The following LHFPL3 variants were observed in gnomAD, a reference collection of about 807,000 sequenced individuals.
LHFPL3 encodes LHFPL tetraspan subfamily member 3, also known as LHFPL tetraspan subfamily member 3 protein.
Under a neutral mutation model 19.3 loss-of-function variants are expected in LHFPL3, and 5 were observed. The ratio of observed to expected loss-of-function variants is 0.26; its 90% CI spans 0.14 to 0.54. LHFPL3 has a LOEUF of 0.54. Among genes scored for constraint, LHFPL3 ranks in the 20% least tolerant of loss-of-function variants. The probability of loss-of-function intolerance (pLI) is 0.94; values close to 1 mark genes in which losing one functional copy is unlikely to be tolerated. For synonymous variants in LHFPL3, 133 were observed against 126.2 expected, an observed-to-expected ratio of 1.05 and a Z score of -0.36; for missense variants, 249 against 307.4, an observed-to-expected ratio of 0.81 and a Z score of 1.42.
At chr7:104,442,069 C>CT (rs906199819) in intron 1 of LHFPL3, among the ~76,000 whole-genome samples, 14 of 148,794 alleles carry the variant, frequency 9.4e-5, no homozygotes, top group African/African-American at 3.5e-4. Flanking sequence ...TTTTTTTTTT[C>CT]TTTTTTTTCA....
chr7:104,493,387 G>T (rs1296336678), intron 1 of LHFPL3, among the ~76,000 whole-genome samples: 1 of 151,494 alleles, frequency 6.6e-6, no homozygotes, highest in Non-Finnish European at 1.5e-5. Context: ...ATGTCATCTA[G>T]TATCAGAGTT....
At chr7:104,646,761 G>C (rs1280006013) in intron 1 of LHFPL3, among the ~76,000 whole-genome samples, 1 of 152,192 alleles carries the variant, frequency 6.6e-6, no homozygotes. Context: ...GATATACTTA[G>C]AATACAGAAA....
At chr7:104,743,658 A>T (rs1793979143) in intron 2 of LHFPL3, among the ~76,000 whole-genome samples, 1 of 152,132 alleles carries the variant, frequency 6.6e-6, no homozygotes. Context: ...CTCTGCAATA[A>T]CCCTGTGAGA....
At position 104,663,695 on chromosome 7, in the gene LHFPL3, C is replaced by G. The variant is rs188897870; in HGVS notation, c.446-72980C>G. 1.8e-3 allele frequency among the ~76,000 whole-genome samples: 273 copies of G among 152,300 alleles called. 2 individuals carry two copies. The highest frequency in any genetic ancestry group is 6.1e-3 in the African/African-American group (253 of 41,578). On this transcript the variant is annotated intron_variant, in intron 1 of 2. Transcript: ENST00000424859. ...AGAGCAAGTTTGGGAAACTACATAT[C>G]TTATGCAGAAAGAGACCAACCAGAA...
At chr7:104,668,983 C>G (rs747918312) in intron 1 of LHFPL3, 157 of 1,612,086 alleles carry the variant, frequency 9.7e-5, no homozygotes, top group Non-Finnish European at 8.8e-5. Flanking sequence ...AACTCAGGAA[C>G]GGGAACGGTC....
chr7:104,684,294 A>G (rs1584479197), intron 1 of LHFPL3, among the ~76,000 whole-genome samples: 1 of 152,164 alleles, frequency 6.6e-6, no homozygotes, highest in African/African-American at 2.4e-5. Context: ...GCTTCTTATT[A>G]TCTGTTTTGT....
At chr7:104,779,929 A>G (rs1252245838) in intron 2 of LHFPL3, among the ~76,000 whole-genome samples, 6 of 152,030 alleles carry the variant, frequency 3.9e-5, no homozygotes, top group Non-Finnish European at 8.8e-5. Context: ...TTTTTTAGCT[A>G]AACTTTAATC....
At chr7:104,561,729 T>A (rs1259828559) in intron 1 of LHFPL3, among the ~76,000 whole-genome samples, 1 of 152,120 alleles carries the variant, frequency 6.6e-6, no homozygotes, top group African/African-American at 2.4e-5. Context: ...GTCATTATGA[T>A]GTTAGCTGGT....
At chr7:104,889,230 G>A (rs756521150) in intron 2 of LHFPL3, among the ~76,000 whole-genome samples, 7 of 152,178 alleles carry the variant, frequency 4.6e-5, no homozygotes, top group Non-Finnish European at 8.8e-5. Context: ...AATAAAACTG[G>A]AAACTATTAA....
At chr7:104,885,229 G>C (rs144077925) in intron 2 of LHFPL3, among the ~76,000 whole-genome samples, 1 of 152,260 alleles carries the variant, frequency 6.6e-6, no homozygotes, top group Non-Finnish European at 1.5e-5. Context: ...CCTCTTTGGG[G>C]CTCCCAAACC....
rs145525830 is a variant in LHFPL3 at position 104,739,923 on chromosome 7, T to C, written c.682+3012T>C. ...TTTTATGGTTGATATGGTCTGGCTCTCTTTCCCCATTGAAATCTCATCTTA... is the reference window on the plus strand; with the variant it reads ...TTTTATGGTTGATATGGTCTGGCTCCCTTTCCCCATTGAAATCTCATCTTA... On this transcript the variant is annotated intron_variant, in intron 2 of 2. Transcript: ENST00000424859. Among the ~76,000 whole-genome samples the C allele has an allele frequency of 3.3e-5, 5 of 152,360 alleles. No homozygotes were observed. The East Asian group carries it at 9.6e-4, about 29-fold the overall frequency.
chr7:104,681,171 T>TG lies in LHFPL3; in HGVS notation c.446-55503dup, dbSNP rs1349504783. On this transcript the variant is annotated intron_variant, in intron 1 of 2. Coordinates refer to ENST00000424859, the MANE Select transcript of LHFPL3 (RefSeq NM_199000.3). ...CTTTTCTTCTTTTTTTTTTTTTTTTTGTTAGGGAAGGATGGGATCTGCCCT... is the reference window on the plus strand; with the variant it reads ...CTTTTCTTCTTTTTTTTTTTTTTTTTGGTTAGGGAAGGATGGGATCTGCCCT... Among the ~76,000 whole-genome samples the TG allele has an allele frequency of 5.2e-5, 6 of 115,436 alleles. No individual in the cohort carries two copies. In the East Asian group the frequency reaches 9.3e-4, roughly 18 times the overall value. The allele number at this position is 115,436 out of a possible 152,430, so 75.7% of individuals were successfully genotyped here. A position where few individuals can be genotyped will look rare whatever the true frequency, so the allele number is the denominator to read the frequency against.
chr7:104,666,512 C>CTTTTTTTTTTTTTTTTTTTTT lies in LHFPL3; in HGVS notation c.446-70156_446-70136dup, dbSNP rs71155514. Reference sequence around the variant, plus strand: ...TTGCTGAAAATGACAGGATTTCATTCTTTTTTTTTTTTTTTTTTTTTTTTT... The same window carrying CTTTTTTTTTTTTTTTTTTTTT: ...TTGCTGAAAATGACAGGATTTCATTCTTTTTTTTTTTTTTTTTTTTTTTTTTTTTTTTTTTTTTTTTTTTTT... On this transcript the variant is annotated intron_variant, in intron 1 of 2. Transcript: ENST00000424859. Among the ~76,000 whole-genome samples, 49 of 42,236 alleles carry CTTTTTTTTTTTTTTTTTTTTT rather than the reference C, an allele frequency of 1.2e-3. 17 individuals carry two copies. Among genetic ancestry groups the CTTTTTTTTTTTTTTTTTTTTT allele is most frequent in the Non-Finnish European group, 1.5e-3 (34 of 22,202 alleles). The allele number at this position is 42,236 out of a possible 152,430, so 27.7% of individuals were successfully genotyped here.
At chr7:104,656,124 T>A (rs188841989) in intron 1 of LHFPL3, among the ~76,000 whole-genome samples, 15 of 152,152 alleles carry the variant, frequency 9.9e-5, no homozygotes, top group East Asian at 5.8e-4. Context: ...CCTAATTTTT[T>A]AAAAAATTTT....
intron 2 of LHFPL3, among the ~76,000 whole-genome samples, chr7:104,902,370 G>A (rs1283535776): frequency 1.3e-5 from 2 of 151,872 alleles, no homozygotes; most frequent in Admixed American, 6.6e-5. Context: ...CTGAGTCACA[G>A]AGCAAGACCC....
intron 2 of LHFPL3, among the ~76,000 whole-genome samples, chr7:104,793,805 A>G (rs1197123214): frequency 6.6e-6 from 1 of 152,234 alleles, no homozygotes; most frequent in Non-Finnish European, 1.5e-5. Context: ...TTGAAACTCG[A>G]ACTCTTGTGG....
At chr7:104,770,732 A>C (rs1376892842) in intron 2 of LHFPL3, among the ~76,000 whole-genome samples, 1 of 152,128 alleles carries the variant, frequency 6.6e-6, no homozygotes, top group Non-Finnish European at 1.5e-5. Context: ...CTCAACACAG[A>C]TTCCAGGCAG....
intron 1 of LHFPL3, among the ~76,000 whole-genome samples, chr7:104,597,505 T>C (rs1246702813): frequency 6.6e-6 from 1 of 152,218 alleles, no homozygotes; most frequent in African/African-American, 2.4e-5. Context: ...CTTACTATAT[T>C]ATACATCTCT....
At position 104,376,146 on chromosome 7, in the gene LHFPL3, G is replaced by A. The variant is rs144545483; in HGVS notation, c.445+46922G>A. ...TGTGGGGAAGAACATGAACAATACT[G>A]TTGGTGGCAAGATGCAAGGTTAGCA... On this transcript the variant is annotated intron_variant, in intron 1 of 2. Coordinates refer to ENST00000424859, the MANE Select transcript of LHFPL3 (RefSeq NM_199000.3). Among the ~76,000 whole-genome samples the A allele has an allele frequency of 1.0e-3, 158 of 152,326 alleles. 1 individual carries two copies. Among genetic ancestry groups the A allele is most frequent in the African/African-American group, 3.6e-3 (151 of 41,568 alleles).
Sources: gnomAD v4.1 joint callset for allele counts (sites outside exome capture counted in the v4.1 genomes callset) on GRCh38, gnomAD v4.1.1 for gene constraint, MANE v1.5 for transcripts, NCBI Gene and HGNC (gene_info 2026-07-23, HGNC 2026-07-21) for gene names.